Variants in ADGRL3 observed in about 807,000 individuals in gnomAD.
ADGRL3 encodes calcium-independent alpha-latrotoxin receptor 3.
A neutral mutation model predicts 153.5 loss-of-function variants in ADGRL3; 62 were observed. The ratio of observed to expected loss-of-function variants is 0.40; its 90% confidence interval spans 0.33 to 0.50. The LOEUF (loss-of-function observed/expected upper bound fraction) is 0.50, where lower values mean the gene tolerates loss of function less well. Ranked by LOEUF, ADGRL3 falls within the 20% of genes least tolerant of loss-of-function variation. The probability of loss-of-function intolerance (pLI) is 0.47; values close to 1 mark genes in which losing one functional copy is unlikely to be tolerated. For synonymous variants in ADGRL3, 710 were observed against 672.5 expected (o/e 1.06, Z -0.86); for missense variants, 1,641 against 1,859.4 (o/e 0.88, Z 2.16).
chr4:61,774,416 AT>A (rs1267449712), intron 8 of ADGRL3, among the ~76,000 whole-genome samples: 8 of 151,856 alleles, frequency 5.3e-5, no homozygotes, highest in African/African-American at 9.6e-5. Flanking sequence ...TAAAAAAAAA[AT>A]AAAAATAAAA....
chr4:61,207,611 G>A lies in ADGRL3; in HGVS notation c.-240+5846G>A, dbSNP rs72632599. Among the ~76,000 whole-genome samples, 597 of 152,204 alleles carry A rather than the reference G, an allele frequency of 3.9e-3. 1 individual carries two copies. The highest frequency in any genetic ancestry group is 5.7e-3 in the Non-Finnish European group (386 of 68,004). On this transcript the variant is annotated intron_variant, in intron 1 of 26. Coordinates refer to ENST00000683033, the MANE Select transcript of ADGRL3 (RefSeq NM_001387552.1). ...ATGGTACTGCTAGTTGTAGATCCTT[G>A]AGGAATCACGACACCATCTTCCACA...
At chr4:62,023,217 A>G (rs973075141) in intron 21 of ADGRL3, among the ~76,000 whole-genome samples, 6 of 152,144 alleles carry the variant, frequency 3.9e-5, no homozygotes, top group African/African-American at 7.2e-5. Flanking sequence ...GATGTGGTGG[A>G]AATAGCGAGA....
At chr4:61,673,453 A>C (rs1197410494) in intron 5 of ADGRL3, among the ~76,000 whole-genome samples, 1 of 151,824 alleles carries the variant, frequency 6.6e-6, no homozygotes. Flanking sequence ...CTTTAAAAAT[A>C]AACAATGAAA....
intron 13 of ADGRL3, among the ~76,000 whole-genome samples, chr4:61,918,111 C>G (rs773014734): frequency 6.6e-6 from 1 of 151,916 alleles, no homozygotes; most frequent in African/African-American, 2.4e-5. Flanking sequence ...CATATTAGTG[C>G]GGGATACTGA....
intron 8 of ADGRL3, among the ~76,000 whole-genome samples, chr4:61,735,763 C>G (rs929067621): frequency 1.3e-5 from 2 of 152,034 alleles, no homozygotes; most frequent in African/African-American, 4.8e-5. Flanking sequence ...TTTAAAAGAG[C>G]ATACCTTATT....
At chr4:61,471,440 A>T (rs556927755) in intron 2 of ADGRL3, among the ~76,000 whole-genome samples, 13 of 152,000 alleles carry the variant, frequency 8.6e-5, no homozygotes, top group African/African-American at 3.1e-4. Context: ...ATAAATAAAT[A>T]GTTTAAATAC....
intron 2 of ADGRL3, among the ~76,000 whole-genome samples, chr4:61,439,106 A>C (rs1446954012): frequency 2.6e-5 from 4 of 152,158 alleles, no homozygotes; most frequent in Admixed American, 2.6e-4. Context: ...AGCAAAACCA[A>C]GGCACTCATG....
chr4:62,064,917 A>G (rs1350979667), intron 25 of ADGRL3, among the ~76,000 whole-genome samples: 1 of 152,084 alleles, frequency 6.6e-6, no homozygotes, highest in African/African-American at 2.4e-5. Flanking sequence ...TTGTCAATAC[A>G]ATGAAATAAT....
intron 21 of ADGRL3, among the ~76,000 whole-genome samples, chr4:62,000,704 T>G (rs2099137237): frequency 6.6e-6 from 1 of 152,078 alleles, no homozygotes; most frequent in Admixed American, 6.6e-5. Flanking sequence ...TTTAAAAAAT[T>G]TAGTAAATGA....
intron 1 of ADGRL3, among the ~76,000 whole-genome samples, chr4:61,287,441 T>C (rs1341914636): frequency 6.6e-6 from 1 of 151,910 alleles, no homozygotes; most frequent in Non-Finnish European, 1.5e-5. Context: ...GTAGAAAAAT[T>C]ACCTAAATGA....
At chr4:61,970,675 G>A (rs908759978) in intron 17 of ADGRL3, among the ~76,000 whole-genome samples, 1 of 152,126 alleles carries the variant, frequency 6.6e-6, no homozygotes, top group Non-Finnish European at 1.5e-5. Flanking sequence ...AAAATATTTA[G>A]ATTGGTTTTT....
At chr4:61,809,600 A>C (rs917897478) in intron 8 of ADGRL3, among the ~76,000 whole-genome samples, 9 of 151,966 alleles carry the variant, frequency 5.9e-5, no homozygotes, top group Non-Finnish European at 1.2e-4. Flanking sequence ...TGCTCATCGC[A>C]CTCCAGATAC....
chr4:61,452,314 GCCTTCTGCCCAGTTCTGCTTC>G (rs139923536), intron 2 of ADGRL3, among the ~76,000 whole-genome samples: 27,451 of 151,578 alleles, frequency 0.18, 2,598 homozygotes, highest in Non-Finnish European at 0.21. Context: ...GTTCATCCTT[GCCTTCTGCCCAGTTCTGCTTC>G]CCTTCTGCCC....
chr4:61,412,957 C>T (rs1335410854), intron 2 of ADGRL3, among the ~76,000 whole-genome samples: 1 of 152,018 alleles, frequency 6.6e-6, no homozygotes, highest in African/African-American at 2.4e-5. Context: ...TTGACATGTT[C>T]CTGGTTCCTC....
At chr4:61,515,187 C>G (rs2098485551) in intron 3 of ADGRL3, among the ~76,000 whole-genome samples, 1 of 152,034 alleles carries the variant, frequency 6.6e-6, no homozygotes, top group Admixed American at 6.6e-5. Flanking sequence ...ACCCCTATAC[C>G]CAGCCGTTGT....
chr4:61,359,934 T>C (rs2096257153), intron 1 of ADGRL3, among the ~76,000 whole-genome samples: 1 of 151,518 alleles, frequency 6.6e-6, no homozygotes, highest in South Asian at 2.1e-4. Flanking sequence ...ATGTTATTGA[T>C]TTTATTATTA....
At chr4:61,855,759 G>A (rs1441587586) in intron 9 of ADGRL3, among the ~76,000 whole-genome samples, 1 of 151,914 alleles carries the variant, frequency 6.6e-6, no homozygotes, top group Non-Finnish European at 1.5e-5. Flanking sequence ...AGTGACAGAT[G>A]TAATTTCTTT....
At chr4:61,612,797 T>C (rs1002406507) in intron 5 of ADGRL3, among the ~76,000 whole-genome samples, 1 of 152,162 alleles carries the variant, frequency 6.6e-6, no homozygotes, top group East Asian at 1.9e-4. Context: ...ATATATGGGA[T>C]GTCTGAAGTG....
chr4:61,462,188 G>A (rs1156584479), intron 2 of ADGRL3, among the ~76,000 whole-genome samples: 6 of 152,168 alleles, frequency 3.9e-5, no homozygotes, highest in Admixed American at 2.0e-4. Context: ...TTTAGAATTA[G>A]AGTAAGTTAC....
Sources: gnomAD v4.1 joint callset for allele counts (sites outside exome capture counted in the v4.1 genomes callset) on GRCh38, gnomAD v4.1.1 for gene constraint, MANE v1.5 for transcripts, NCBI Gene and HGNC (gene_info 2026-07-23, HGNC 2026-07-21) for gene names.